Variants in SIN3B observed in about 807,000 individuals in gnomAD.
SIN3B encodes the protein SIN3 transcription regulator family member B.
Under a neutral mutation model 120.2 loss-of-function variants are expected in SIN3B, and 19 were observed. That is an observed-to-expected ratio of 0.16 (90% confidence interval 0.11 to 0.23). SIN3B has a LOEUF of 0.23. Ranked by LOEUF, SIN3B falls within the 10% of genes least tolerant of loss-of-function variation. The pLI is 1.00. For synonymous variants in SIN3B, 654 were observed against 653.2 expected (o/e 1.00, Z -0.02); for missense variants, 1,073 against 1,573.0 (o/e 0.68, Z 5.38).
chr19:16,856,245 C>T (rs968391630), intron 8 of SIN3B, among the ~76,000 whole-genome samples: 6 of 152,016 alleles, frequency 3.9e-5, no homozygotes, highest in South Asian at 2.1e-4. Context: ...GGAGTGTGCG[C>T]GGTAGGAGTA....
In SIN3B at chr19:16,856,965, A is replaced by G. The variant is rs367857292; in HGVS notation, c.1058+2704A>G. On this transcript the variant is annotated intron_variant, in intron 8 of 18. Coordinates refer to ENST00000248054, the MANE Select transcript of SIN3B (RefSeq NM_001297595.2). ...CCTTAGCCCTTTTCCCATTTACCCC[A>G]GGGATAGTAGTTGACAGCACTTGTG... 3.9e-5 allele frequency among the ~76,000 whole-genome samples: 6 copies of G among 152,120 alleles called. No individual in the cohort carries two copies. The East Asian group carries it at 7.7e-4, about 19-fold the overall frequency.
At chr19:16,829,769 G>A in intron 1 of SIN3B, 22 bp from the exon 2 acceptor site, 3 of 1,585,904 alleles carry the variant, frequency 1.9e-6, no homozygotes, top group Non-Finnish European at 2.6e-6. Flanking sequence ...AGGGCCCACC[G>A]GGACCCTCCC....
chr19:16,870,560 A>G (rs759341885), intron 13 of SIN3B, among the ~76,000 whole-genome samples: 16 of 145,386 alleles, frequency 1.1e-4, no homozygotes, highest in Non-Finnish European at 2.0e-4. Flanking sequence ...CATTTTTTGT[A>G]TTTCTTTTTT....
chr19:16,878,863 G>A lies in SIN3B; in HGVS notation c.*136G>A. ...TCTGCTGCCGGACAGCGCACTCCAG[G>A]GCAGGACGCCGCCCCCGTGGCTCCC... On this transcript the variant is annotated 3_prime_UTR_variant, in exon 19 of 19. Coordinates refer to ENST00000248054, the MANE Select transcript of SIN3B (RefSeq NM_001297595.2). 1.2e-6 allele frequency: 1 copy of A among 811,060 alleles called. No homozygotes were observed. The highest frequency in any genetic ancestry group is 1.9e-6 in the Non-Finnish European group (1 of 526,998). The allele number at this position is 811,060 out of a possible 1,614,324, so 50.2% of individuals were successfully genotyped here.
At chr19:16,838,702 C>T (rs1014894096) in intron 3 of SIN3B, among the ~76,000 whole-genome samples, 3 of 151,912 alleles carry the variant, frequency 2.0e-5, no homozygotes, top group African/African-American at 7.3e-5. Flanking sequence ...GACAGAGTCT[C>T]GCTCTGTCGC....
chr19:16,877,172 T>C (rs1331361946), intron 16 of SIN3B: 1 of 257,674 alleles, frequency 3.9e-6, no homozygotes, highest in African/African-American at 2.2e-5. Context: ...ACAAACCACG[T>C]GGCTTCAAAC....
At chr19:16,831,386 T>C (rs1262919826) in intron 2 of SIN3B, 108 bp from the exon 3 acceptor site, 1 of 1,172,384 alleles carries the variant, frequency 8.5e-7, no homozygotes, top group Non-Finnish European at 1.2e-6. Context: ...GTTCCTTTGT[T>C]GTCTGTTGAG....
intron 10 of SIN3B, among the ~76,000 whole-genome samples, chr19:16,864,466 C>A (rs867758997): frequency 6.7e-6 from 1 of 149,450 alleles, no homozygotes; most frequent in African/African-American, 2.5e-5. Flanking sequence ...GTAACTGGAA[C>A]CACAAGTCCA....
At chr19:16,844,724 C>T (rs1971459012) in intron 4 of SIN3B, among the ~76,000 whole-genome samples, 1 of 152,210 alleles carries the variant, frequency 6.6e-6, no homozygotes, top group African/African-American at 2.4e-5. Flanking sequence ...ACAGCAGCGC[C>T]GTTACGCGCA....
intron 3 of SIN3B, among the ~76,000 whole-genome samples, chr19:16,835,954 G>A (rs1253584919): frequency 2.6e-5 from 4 of 152,094 alleles, no homozygotes; most frequent in African/African-American, 7.2e-5. Flanking sequence ...ATTCTCTGTT[G>A]CTTAGTTTTT....
At chr19:16,837,892 CTG>C (rs1722703264) in intron 3 of SIN3B, among the ~76,000 whole-genome samples, 1 of 152,088 alleles carries the variant, frequency 6.6e-6, no homozygotes, top group Non-Finnish European at 1.5e-5. Flanking sequence ...TGCTATGTGT[CTG>C]TGCGGTGCCT....
intron 7 of SIN3B, among the ~76,000 whole-genome samples, 165 bp from the exon 8 acceptor site, chr19:16,853,978 C>A (rs1181515374): frequency 6.6e-6 from 1 of 151,888 alleles, no homozygotes; most frequent in Non-Finnish European, 1.5e-5. Context: ...TGAATTGGTG[C>A]ATGGATTGCG....
At position 16,878,635 on chromosome 19, in the gene SIN3B, C is replaced by A; in HGVS notation, c.3301C>A (p.Pro1101Thr). ...LMGEEDEDMV[P>T]CKTLCETVHV... ...GGGTGAGGAGGACGAGGACATGGTA[C>A]CCTGCAAGACGCTGTGTGAGACAGT... The change falls in exon 19 of 19, where the codon CCC (proline) becomes ACC (threonine). Residue 1101 changes from proline to threonine, a missense_variant. This residue lies in a region of SIN3B where 311 missense variants were observed against 400.3 expected (regional missense o/e 0.78). Transcript: ENST00000248054. 1 of 1,613,536 alleles carries A rather than the reference C, an allele frequency of 6.2e-7. No individual in the cohort carries two copies. Among genetic ancestry groups the A allele is most frequent in the Non-Finnish European group, 8.5e-7 (1 of 1,179,788 alleles).
intron 12 of SIN3B, 84 bp from the exon 13 acceptor site, chr19:16,869,376 G>GT: frequency 6.8e-7 from 1 of 1,474,400 alleles, no homozygotes; most frequent in Non-Finnish European, 9.0e-7. Flanking sequence ...TGGTGGCCCA[G>GT]TTAACAGCGA....
chr19:16,870,685 G>A (rs1305242193), intron 13 of SIN3B, among the ~76,000 whole-genome samples: 1 of 151,544 alleles, frequency 6.6e-6, no homozygotes, highest in Non-Finnish European at 1.5e-5. Flanking sequence ...TGAGTAGCTG[G>A]GATTACAGGC....
rs772499472 is a variant in SIN3B at position 16,866,564 on chromosome 19, C to T, written c.1806+8C>T. On this transcript the variant is annotated splice_region_variant and intron_variant, in intron 12 of 18. Transcript: ENST00000248054. ...GAGAGCGTCTACGACGAGGTAAAGC[C>T]TTCCCTAGCCCTGCCGGCCGGTGGG... 4 of 1,613,184 alleles carry T rather than the reference C, an allele frequency of 2.5e-6. No individual in the cohort carries two copies. The highest frequency in any genetic ancestry group is 3.4e-6 in the Non-Finnish European group (4 of 1,179,798).
intron 12 of SIN3B, among the ~76,000 whole-genome samples, chr19:16,869,180 A>G (rs1971821120): frequency 2.6e-5 from 4 of 152,148 alleles, no homozygotes; most frequent in South Asian, 2.1e-4. Flanking sequence ...CCCGCCCCAC[A>G]TCTCAGAATC....
Position 16,841,765 on chromosome 19 carries a change from CAGG to C in SIN3B, c.382_384del (p.Glu128del). On this transcript the variant is annotated splice_acceptor_variant and coding_sequence_variant, in exon 4 of 19. Transcript: ENST00000248054. LOFTEE classifies it high-confidence loss of function. ...TGGCAGTAACTCATTGTCGCCTTGT[CAGG>C]AGAATTCGCACAACCACGGGGACGG... is the stretch of plus-strand genomic sequence containing the variant. 6.2e-7 allele frequency: 1 copy of C among 1,613,410 alleles called. No individual in the cohort carries two copies. The highest frequency in any genetic ancestry group is 1.3e-5 in the African/African-American group (1 of 74,964).
intron 3 of SIN3B, among the ~76,000 whole-genome samples, chr19:16,836,115 A>G (rs1182565107): frequency 6.6e-6 from 1 of 152,142 alleles, no homozygotes; most frequent in African/African-American, 2.4e-5. Context: ...GGGTGTCTTC[A>G]GCTTTGGGGG....
Sources: gnomAD v4.1 joint callset for allele counts (sites outside exome capture counted in the v4.1 genomes callset) on GRCh38, gnomAD v4.1.1 for gene constraint, gnomAD v4.1.1 regional missense constraint, MANE v1.5 for transcripts, NCBI Gene and HGNC (gene_info 2026-07-23, HGNC 2026-07-21) for gene names.